Variants in PCDH15 observed in about 807,000 individuals in gnomAD.
PCDH15 encodes protocadherin related 15, also known as protocadherin-15.
PCDH15 carries 129 observed loss-of-function variants against 178.5 expected under a neutral mutation model. The observed-to-expected ratio is 0.72, with a 90% CI of 0.63 to 0.84. The LOEUF (loss-of-function observed/expected upper bound fraction) is 0.84, where lower values mean the gene tolerates loss of function less well. Ranked by LOEUF, PCDH15 falls within the 40% of genes least tolerant of loss-of-function variation. The pLI, the probability that PCDH15 is intolerant of heterozygous loss-of-function variation, is 0.00. For missense variants in PCDH15, 2,230 were observed against 2,099.9 expected (o/e 1.06, Z -1.21); for synonymous variants, 800 against 732.0 (o/e 1.09, Z -1.50).
intron 2 of PCDH15, among the ~76,000 whole-genome samples, chr10:55,434,709 GA>G (rs1838997498): frequency 6.6e-6 from 1 of 151,386 alleles, no homozygotes; most frequent in African/African-American, 2.4e-5. Context: ...GAGTTCAAGT[GA>G]TTCTCCTGCC....
At chr10:54,230,189 G>A (rs1217607078) in intron 9 of PCDH15, among the ~76,000 whole-genome samples, 1 of 151,970 alleles carries the variant, frequency 6.6e-6, no homozygotes, top group Admixed American at 6.6e-5. Context: ...AAATGTAGAA[G>A]TACATTAAAA....
intron 2 of PCDH15, among the ~76,000 whole-genome samples, chr10:54,548,173 C>T (rs986808097): frequency 3.4e-5 from 5 of 145,668 alleles, no homozygotes; most frequent in African/African-American, 7.5e-5. Context: ...TATATATTTA[C>T]ATTTTATATT....
At position 55,204,681 on chromosome 10, in the gene PCDH15, C is replaced by A. The variant is rs538693858; in HGVS notation, c.-155-38030G>T. ...AGAAAATTGAGTCAGGAATGCACAA[C>A]TTTTGTGGACTCCAACATACACTGC... On this transcript the variant is annotated intron_variant, in intron 1 of 5. Coordinates refer to the PCDH15 transcript ENST00000458638. Among the ~76,000 whole-genome samples the A allele has an allele frequency of 4.5e-4, 68 of 152,156 alleles. 1 individual carries two copies. The highest frequency in any genetic ancestry group is 6.8e-3 in the Middle Eastern group (2 of 294).
At chr10:54,588,909 C>T (rs1158664073) in intron 2 of PCDH15, among the ~76,000 whole-genome samples, 1 of 152,074 alleles carries the variant, frequency 6.6e-6, no homozygotes, top group Non-Finnish European at 1.5e-5. Context: ...TTGAGAATGG[C>T]TGCTAGCTAG....
At chr10:54,751,479 T>G (rs1946215798) in intron 1 of PCDH15, among the ~76,000 whole-genome samples, 1 of 152,158 alleles carries the variant, frequency 6.6e-6, no homozygotes, top group African/African-American at 2.4e-5. Context: ...TTTCAAATAC[T>G]CAAGAGTAAT....
chr10:53,892,279 C>G (rs1311813155), intron 26 of PCDH15, among the ~76,000 whole-genome samples: 1 of 152,090 alleles, frequency 6.6e-6, no homozygotes, highest in Admixed American at 6.5e-5. Context: ...CCCGCCCCGG[C>G]CTCCCAAAGT....
intron 1 of PCDH15, among the ~76,000 whole-genome samples, chr10:54,713,226 TACAC>T (rs137922396): frequency 0.094 from 14,181 of 151,484 alleles, 711 homozygotes; most frequent in Admixed American, 0.11. Flanking sequence ...CACACACACA[TACAC>T]ACACACATAC....
At chr10:53,884,697 C>A (rs1436933751) in intron 26 of PCDH15, among the ~76,000 whole-genome samples, 1 of 152,158 alleles carries the variant, frequency 6.6e-6, no homozygotes, top group Non-Finnish European at 1.5e-5. Flanking sequence ...TATCTCTACA[C>A]CTCTTTTTCA....
intron 2 of PCDH15, among the ~76,000 whole-genome samples, chr10:55,561,132 A>T (rs1004094741): frequency 2.0e-5 from 3 of 151,850 alleles, no homozygotes; most frequent in Non-Finnish European, 2.9e-5. Flanking sequence ...CTTTCACAGA[A>T]CAAAGGTTAA....
chr10:54,116,024 T>C (rs1004250512), intron 15 of PCDH15, among the ~76,000 whole-genome samples: 2 of 152,040 alleles, frequency 1.3e-5, no homozygotes, highest in Admixed American at 6.6e-5. Flanking sequence ...GTTTCAATTT[T>C]TAAAAGTCAG....
intron 2 of PCDH15, among the ~76,000 whole-genome samples, chr10:55,098,606 GAAGAC>G (rs1241310567): frequency 6.6e-6 from 1 of 152,024 alleles, no homozygotes; most frequent in African/African-American, 2.4e-5. Context: ...TCAGTAAGGA[GAAGAC>G]AATATGGAGC....
intron 3 of PCDH15, among the ~76,000 whole-genome samples, chr10:54,430,955 A>G (rs1239492650): frequency 6.6e-6 from 1 of 152,166 alleles, no homozygotes; most frequent in Non-Finnish European, 1.5e-5. Flanking sequence ...CAGAAATTCA[A>G]AGGATAACTA....
At chr10:54,531,594 C>T (rs959633964) in intron 2 of PCDH15, among the ~76,000 whole-genome samples, 2 of 152,036 alleles carry the variant, frequency 1.3e-5, no homozygotes, top group Non-Finnish European at 2.9e-5. Flanking sequence ...GAGCAAGCAC[C>T]CAGGAATTCA....
intron 3 of PCDH15, among the ~76,000 whole-genome samples, chr10:54,419,101 T>C (rs1340781521): frequency 1.3e-5 from 2 of 151,598 alleles, no homozygotes; most frequent in Non-Finnish European, 2.9e-5. Context: ...CAAGGGAATA[T>C]ATGGGAGAAG....
At chr10:54,747,920 C>T (rs531929551) in intron 1 of PCDH15, among the ~76,000 whole-genome samples, 1 of 151,772 alleles carries the variant, frequency 6.6e-6, no homozygotes, top group South Asian at 2.1e-4. Flanking sequence ...ATTCTCCTGC[C>T]TCAGCCTCCA....
intron 2 of PCDH15, among the ~76,000 whole-genome samples, chr10:54,638,038 CCAGA>C (rs1006889612): frequency 1.1e-4 from 17 of 151,752 alleles, no homozygotes; most frequent in African/African-American, 4.1e-4. Flanking sequence ...AAATTGTATC[CCAGA>C]CAGACACCGT....
At position 54,153,161 on chromosome 10, in the gene PCDH15, C is replaced by T; in HGVS notation, c.1723G>A (p.Val575Ile). The part of the protein sequence containing the change: ...ITIAPGVEMI[V>I]GRTYALTVQA... ...ACCGTGAGTGCGTAAGTCCGCCCGA[C>T]TATCATTTCCACCCCTGGAGCGATG... Residue 575 changes from valine to isoleucine, a missense_variant, in exon 14 of 38, where the codon GTC (valine) becomes ATC (isoleucine). Val to Ile is a conservative substitution (Grantham distance 29). Coordinates refer to ENST00000644397, the MANE Select transcript of PCDH15 (RefSeq NM_001384140.1). 1 of 1,613,948 alleles carries T rather than the reference C, an allele frequency of 6.2e-7. No individual in the cohort carries two copies. The highest frequency in any genetic ancestry group is 8.5e-7 in the Non-Finnish European group (1 of 1,179,888).
chr10:54,242,124 CTATTTTTATATATATATATATATA>C (rs1314379574), intron 8 of PCDH15, among the ~76,000 whole-genome samples: 5 of 62,250 alleles, frequency 8.0e-5, no homozygotes, highest in African/African-American at 3.3e-4. Context: ...GGTCTGAATT[CTATTTTTATATATATATATATATA>C]TATATATATA....
At chr10:55,072,962 G>A (rs1841790790) in intron 2 of PCDH15, among the ~76,000 whole-genome samples, 1 of 151,826 alleles carries the variant, frequency 6.6e-6, no homozygotes, top group African/African-American at 2.4e-5. Flanking sequence ...ATCAATAAAT[G>A]TAATCCAGCA....
Sources: allele counts gnomAD v4.1 joint callset (sites outside exome capture counted in the v4.1 genomes callset), GRCh38; gene constraint gnomAD v4.1.1; transcripts MANE v1.5; gene names NCBI Gene and HGNC (gene_info 2026-07-23, HGNC 2026-07-21).